Variants in EEPD1 observed in about 807,000 individuals in gnomAD.
EEPD1 encodes endonuclease/exonuclease/phosphatase family domain-containing protein 1.
A neutral mutation model predicts 46.3 loss-of-function variants in EEPD1; 17 were observed. The ratio of observed to expected loss-of-function variants is 0.37; its 90% CI spans 0.25 to 0.55. EEPD1 has a LOEUF of 0.55. EEPD1 is among the 20% of genes least tolerant of loss of function. The pLI is 0.83. For synonymous variants in EEPD1, 313 were observed against 315.6 expected, an observed-to-expected ratio of 0.99 and a Z score of 0.09; for missense variants, 673 against 745.6, an observed-to-expected ratio of 0.90 and a Z score of 1.13.
chr7:36,156,527 G>T (rs1408179877), intron 2 of EEPD1, among the ~76,000 whole-genome samples: 1 of 152,136 alleles, frequency 6.6e-6, no homozygotes, highest in African/African-American at 2.4e-5. Flanking sequence ...TAGCAGCATG[G>T]GCGTGTGAAT....
intron 5 of EEPD1, among the ~76,000 whole-genome samples, chr7:36,285,332 T>C (rs1409802565): frequency 1.8e-4 from 27 of 152,132 alleles, no homozygotes; most frequent in Admixed American, 1.8e-3. Flanking sequence ...CAGGCCCGAT[T>C]CCTTTATTAC....
chr7:36,186,780 G>A (rs1785365153), intron 2 of EEPD1, among the ~76,000 whole-genome samples: 1 of 152,216 alleles, frequency 6.6e-6, no homozygotes, highest in Non-Finnish European at 1.5e-5. Context: ...GCAAAATTGG[G>A]ACTGATTAAA....
At chr7:36,157,310 T>C (rs747329731) in intron 2 of EEPD1, among the ~76,000 whole-genome samples, 2 of 152,196 alleles carry the variant, frequency 1.3e-5, no homozygotes, top group Non-Finnish European at 2.9e-5. Flanking sequence ...ATATTCTTTC[T>C]GACCAAGCGT....
intron 3 of EEPD1, among the ~76,000 whole-genome samples, chr7:36,248,610 G>A (rs956126020): frequency 5.4e-5 from 5 of 92,998 alleles, no homozygotes; most frequent in South Asian, 7.0e-4. Context: ...CCCCACCCCC[G>A]CCACACTTAG....
chr7:36,164,740 C>T (rs1472523182), intron 2 of EEPD1, among the ~76,000 whole-genome samples: 1 of 152,150 alleles, frequency 6.6e-6, no homozygotes, highest in Non-Finnish European at 1.5e-5. Flanking sequence ...TATATGTTCC[C>T]AGAAGATTAT....
chr7:36,228,267 C>T (rs770547474), intron 2 of EEPD1, among the ~76,000 whole-genome samples: 2 of 152,156 alleles, frequency 1.3e-5, no homozygotes, highest in African/African-American at 2.4e-5. Flanking sequence ...GGTGGCTACC[C>T]GCCCTAATCC....
intron 3 of EEPD1, among the ~76,000 whole-genome samples, chr7:36,259,315 T>C (rs541153861): frequency 1.8e-4 from 27 of 152,300 alleles, no homozygotes; most frequent in African/African-American, 6.3e-4. Flanking sequence ...TCCCCATATA[T>C]ATCTTAACTT....
chr7:36,285,938 GC>G (rs1346152707), intron 5 of EEPD1, among the ~76,000 whole-genome samples: 2 of 152,174 alleles, frequency 1.3e-5, no homozygotes, highest in African/African-American at 4.8e-5. Context: ...TATTGATGGG[GC>G]TCTGTCTGCA....
chr7:36,204,305 G>C (rs1026204029), intron 2 of EEPD1, among the ~76,000 whole-genome samples: 1 of 152,004 alleles, frequency 6.6e-6, no homozygotes, highest in African/African-American at 2.4e-5. Flanking sequence ...CAAAGCACTG[G>C]GATTATAGTT....
chr7:36,195,035 T>C lies in EEPD1; in HGVS notation c.878+39833T>C, dbSNP rs375567672. Among the ~76,000 whole-genome samples, 109 of 152,330 alleles carry C rather than the reference T, an allele frequency of 7.2e-4. 3 individuals carry two copies. The South Asian group carries it at 0.021, about 29-fold the overall frequency. ...ATCCCTCTTGGATCCACATCCTCTTTTGTTCATTCATGTATTCTGGTAGTG... is the reference window on the plus strand; with the variant it reads ...ATCCCTCTTGGATCCACATCCTCTTCTGTTCATTCATGTATTCTGGTAGTG... On this transcript the variant is annotated intron_variant, in intron 2 of 7. Transcript: ENST00000242108.
intron 2 of EEPD1, among the ~76,000 whole-genome samples, chr7:36,156,000 T>C (rs1784819701): frequency 6.6e-6 from 1 of 152,194 alleles, no homozygotes; most frequent in Admixed American, 6.5e-5. Flanking sequence ...GTTAGTAAAA[T>C]AGCAAACTGT....
intron 2 of EEPD1, among the ~76,000 whole-genome samples, chr7:36,183,888 T>TTTTTTTTTTTTTTTTTTG (rs3053348): frequency 3.5e-4 from 47 of 135,384 alleles, no homozygotes; most frequent in African/African-American, 9.9e-4. Context: ...TTTTTTTTTT[T>TTTTTTTTTTTTTTTTTTG]ATTTTTAAAA....
At chr7:36,281,004 G>A in intron 3 of EEPD1, 111 bp from the exon 4 acceptor site, 1 of 830,336 alleles carries the variant, frequency 1.2e-6, no homozygotes, top group South Asian at 1.5e-5. Context: ...AGCAGTGTCT[G>A]AATAAGGCTG....
chr7:36,166,768 A>C (rs1238597698), intron 2 of EEPD1, among the ~76,000 whole-genome samples: 2 of 152,232 alleles, frequency 1.3e-5, no homozygotes, highest in African/African-American at 4.8e-5. Context: ...ATTTCTTTCA[A>C]ATCACAAAAG....
chr7:36,202,822 A>G (rs1216468973), intron 2 of EEPD1, among the ~76,000 whole-genome samples: 1 of 152,176 alleles, frequency 6.6e-6, no homozygotes, highest in Non-Finnish European at 1.5e-5. Flanking sequence ...CATGTAGCTT[A>G]TACGTGGAGC....
chr7:36,204,664 A>G (rs1785780482), intron 2 of EEPD1, among the ~76,000 whole-genome samples: 1 of 152,206 alleles, frequency 6.6e-6, no homozygotes, highest in African/African-American at 2.4e-5. Flanking sequence ...AGGTACCCTA[A>G]GCCTAGCAGA....
rs1404091059 is a variant in EEPD1, at chr7:36,193,524, C to G, written c.878+38322C>G. On this transcript the variant is annotated intron_variant, in intron 2 of 7. Transcript: ENST00000242108. The surrounding 1 kb of genome is among the most constrained non-coding windows in gnomAD (Gnocchi z 4.9). ...GGGAGGCCATGGGAAGCACCCAGGGCTGGGCTCTGGGTGTATCTTCTGTGT... is the reference window on the plus strand; with the variant it reads ...GGGAGGCCATGGGAAGCACCCAGGGGTGGGCTCTGGGTGTATCTTCTGTGT... Among the ~76,000 whole-genome samples the G allele has an allele frequency of 6.6e-6, 1 of 152,164 alleles. No individual in the cohort carries two copies. The highest frequency in any genetic ancestry group is 2.1e-4 in the South Asian group (1 of 4,826).
chr7:36,205,306 A>G (rs1045426476), intron 2 of EEPD1, among the ~76,000 whole-genome samples: 4 of 152,208 alleles, frequency 2.6e-5, no homozygotes, highest in Non-Finnish European at 5.9e-5. Context: ...CTTTGCAGTG[A>G]GAGTGTAGTC....
chr7:36,224,779 C>A (rs1786204689), intron 2 of EEPD1, among the ~76,000 whole-genome samples: 1 of 151,988 alleles, frequency 6.6e-6, no homozygotes, highest in Admixed American at 6.6e-5. Flanking sequence ...GAATAATGGC[C>A]TCCAAAAGTT....
Sources: gnomAD v4.1 joint callset for allele counts (sites outside exome capture counted in the v4.1 genomes callset) on GRCh38, gnomAD v4.1.1 for gene constraint, Gnocchi (gnomAD v3.1) non-coding constraint, MANE v1.5 for transcripts, NCBI Gene and HGNC (gene_info 2026-07-23, HGNC 2026-07-21) for gene names.